ARMC9: variants seen among roughly 807,000 people sequenced by gnomAD.
ARMC9 encodes the protein armadillo repeat containing 9.
In ARMC9, 94 loss-of-function variants were observed where a neutral mutation model predicts 107.0. The observed-to-expected ratio is 0.88, with a 90% CI of 0.74 to 1.04. The LOEUF is 1.04. Among genes scored for constraint, ARMC9 ranks in the 50% least tolerant of loss-of-function variants. ARMC9 has a pLI of 0.00. For synonymous variants in ARMC9, 380 were observed against 396.9 expected, an observed-to-expected ratio of 0.96 and a Z score of 0.51; for missense variants, 942 against 1,030.1, an observed-to-expected ratio of 0.91 and a Z score of 1.17.
chr2:231,359,279 G>T (rs910404320), intron 22 of ARMC9, among the ~76,000 whole-genome samples: 9 of 151,818 alleles, frequency 5.9e-5, no homozygotes, highest in African/African-American at 2.2e-4. Flanking sequence ...TAGAGACAGG[G>T]TTTTACCATG....
intron 9 of ARMC9, among the ~76,000 whole-genome samples, chr2:231,244,432 T>C (rs929861647): frequency 2.7e-5 from 4 of 150,148 alleles, no homozygotes; most frequent in Admixed American, 2.0e-4. Flanking sequence ...ATTGGCACGA[T>C]CAGGGCCTCT....
intron 8 of ARMC9, among the ~76,000 whole-genome samples, chr2:231,237,221 C>T (rs918292844): frequency 6.7e-6 from 1 of 150,004 alleles, no homozygotes; most frequent in Non-Finnish European, 1.5e-5. Context: ...CACATGCGTA[C>T]AGCATTTGTA....
At chr2:231,220,781 A>G (rs2034042537) in intron 5 of ARMC9, among the ~76,000 whole-genome samples, 1 of 152,190 alleles carries the variant, frequency 6.6e-6, no homozygotes, top group Non-Finnish European at 1.5e-5. Flanking sequence ...TCATGTCCAA[A>G]GAGGCTTTAT....
intron 5 of ARMC9, among the ~76,000 whole-genome samples, chr2:231,220,513 C>T (rs1417126051): frequency 6.7e-6 from 1 of 149,206 alleles, no homozygotes; most frequent in Non-Finnish European, 1.5e-5. Context: ...AGGAAAATCT[C>T]TTGAACCCGG....
chr2:231,218,172 G>A (rs546918115), intron 5 of ARMC9, among the ~76,000 whole-genome samples: 13 of 152,076 alleles, frequency 8.5e-5, no homozygotes, highest in Non-Finnish European at 1.8e-4. Context: ...TTAGTTGACC[G>A]CTTTCATTAA....
chr2:231,214,194 C>G (rs942151047), intron 3 of ARMC9, among the ~76,000 whole-genome samples: 1 of 152,266 alleles, frequency 6.6e-6, no homozygotes, highest in African/African-American at 2.4e-5. Flanking sequence ...GCTCCTTCCT[C>G]CATCTCCAGC....
chr2:231,241,318 C>T (rs137875696), intron 9 of ARMC9, among the ~76,000 whole-genome samples: 1 of 152,072 alleles, frequency 6.6e-6, no homozygotes, highest in African/African-American at 2.4e-5. Context: ...GATCGTGTGT[C>T]CTCCTTAGAC....
At chr2:231,274,093 T>C (rs2039565497) in intron 14 of ARMC9, among the ~76,000 whole-genome samples, 1 of 152,198 alleles carries the variant, frequency 6.6e-6, no homozygotes, top group Non-Finnish European at 1.5e-5. Context: ...TGTGGCTGAA[T>C]ATGTACTCCA....
At chr2:231,275,511 A>G (rs2039682069) in intron 14 of ARMC9, among the ~76,000 whole-genome samples, 1 of 152,164 alleles carries the variant, frequency 6.6e-6, no homozygotes, top group Non-Finnish European at 1.5e-5. Flanking sequence ...CATTCCTTAT[A>G]ATTTGCATTA....
At chr2:231,315,256 A>G (rs1176390889) in intron 19 of ARMC9, among the ~76,000 whole-genome samples, 4 of 142,566 alleles carry the variant, frequency 2.8e-5, no homozygotes, top group Admixed American at 2.1e-4. Flanking sequence ...AAAAAAAAAA[A>G]TGCTGGACGC....
chr2:231,328,081 G>A (rs2043455218), intron 19 of ARMC9, among the ~76,000 whole-genome samples: 1 of 152,118 alleles, frequency 6.6e-6, no homozygotes, highest in Admixed American at 6.5e-5. Context: ...ACTGCTCCTG[G>A]CCTGTTTTTG....
intron 23 of ARMC9, among the ~76,000 whole-genome samples, chr2:231,365,143 G>A (rs979423626): frequency 2.0e-5 from 3 of 152,200 alleles, no homozygotes; most frequent in Non-Finnish European, 4.4e-5. Context: ...GCCAGATTAG[G>A]GCAGAGCAGA....
At chr2:231,238,807 C>CCT (rs1173649328) in intron 8 of ARMC9, among the ~76,000 whole-genome samples, 6 of 152,194 alleles carry the variant, frequency 3.9e-5, no homozygotes, top group African/African-American at 1.4e-4. Flanking sequence ...GGGTGACAGA[C>CCT]CTCTGCCACA....
chr2:231,289,594 A>G (rs923449790), intron 17 of ARMC9, among the ~76,000 whole-genome samples: 14 of 152,152 alleles, frequency 9.2e-5, no homozygotes, highest in African/African-American at 3.1e-4. Context: ...CATTTGTGAG[A>G]TAGATATAAA....
intron 23 of ARMC9, among the ~76,000 whole-genome samples, chr2:231,367,476 T>A (rs1385121445): frequency 6.6e-6 from 1 of 152,190 alleles, no homozygotes; most frequent in Non-Finnish European, 1.5e-5. Context: ...CCTCCCAGGC[T>A]AGCTGGTGCT....
chr2:231,335,817 G>A (rs1209365589), intron 20 of ARMC9, among the ~76,000 whole-genome samples: 6 of 152,146 alleles, frequency 3.9e-5, no homozygotes, highest in African/African-American at 2.4e-5. Context: ...TGGCTGACGC[G>A]TGTGATTCCA....
chr2:231,359,473 C>A (rs993144585), intron 22 of ARMC9, among the ~76,000 whole-genome samples: 1 of 152,014 alleles, frequency 6.6e-6, no homozygotes, highest in African/African-American at 2.4e-5. Flanking sequence ...ACAGTTGAAC[C>A]AAGACCACCT....
intron 22 of ARMC9, 39 bp downstream of exon 22, chr2:231,355,973 T>A (rs1396526454): frequency 1.3e-6 from 2 of 1,521,010 alleles, no homozygotes; most frequent in Non-Finnish European, 1.8e-6. Context: ...GTTCTGGGAT[T>A]GTGATGTCTA....
At chr2:231,277,877 C>CTA (rs1406573286) in intron 15 of ARMC9, among the ~76,000 whole-genome samples, 8 of 152,262 alleles carry the variant, frequency 5.3e-5, no homozygotes, top group South Asian at 4.1e-4. Context: ...GTCCTAACTT[C>CTA]TAATATGTTT....
Sources: allele counts gnomAD v4.1 joint callset (sites outside exome capture counted in the v4.1 genomes callset), GRCh38; gene constraint gnomAD v4.1.1; transcripts MANE v1.5; gene names NCBI Gene and HGNC (gene_info 2026-07-23, HGNC 2026-07-21).